The following ITPR2 variants were observed in gnomAD, a reference collection of about 807,000 sequenced individuals.
ITPR2 encodes inositol 1,4,5-trisphosphate receptor type 2, also known as inositol 1,4,5-trisphosphate-gated calcium channel ITPR2.
ITPR2 carries 207 observed loss-of-function variants against 317.1 expected under a neutral mutation model. That is an observed-to-expected ratio of 0.65 (90% CI 0.58 to 0.73). The LOEUF is 0.73. Ranked by LOEUF, ITPR2 falls within the 30% of genes least tolerant of loss-of-function variation. The probability of loss-of-function intolerance (pLI) is 0.00; values close to 1 mark genes in which losing one functional copy is unlikely to be tolerated. For missense variants in ITPR2, 2,613 were observed against 3,284.0 expected (o/e 0.80, Z 4.99); for synonymous variants, 1,156 against 1,149.1 (o/e 1.01, Z -0.12).
chr12:26,775,955 T>TATATATATATAC (rs1949958798), intron 2 of ITPR2, among the ~76,000 whole-genome samples: 5 of 148,068 alleles, frequency 3.4e-5, no homozygotes, highest in South Asian at 2.1e-4. Flanking sequence ...TATGTATATG[T>TATATATATATAC]ATATCCTATT....
chr12:26,518,069 A>G (rs1943572587), intron 37 of ITPR2, among the ~76,000 whole-genome samples: 1 of 152,218 alleles, frequency 6.6e-6, no homozygotes, highest in South Asian at 2.1e-4. Context: ...TCACATATAC[A>G]CAATGTTCAT....
At chr12:26,412,485 T>C (rs1940581515) in intron 51 of ITPR2, among the ~76,000 whole-genome samples, 1 of 152,066 alleles carries the variant, frequency 6.6e-6, no homozygotes, top group Non-Finnish European at 1.5e-5. Context: ...CTGTGGCCAT[T>C]CCCTTACTTA....
Position 26,516,310 on chromosome 12 carries a change from A to AGGAAG in ITPR2, c.5074-21051_5074-21050insCTTCC, listed in dbSNP as rs1565574702. ...GGGAAAGGAAAGGAAAGGAAAGGAA[A>AGGAAG]GGAAAGGAAAGGAAAGGAAAGGAAA... On this transcript the variant is annotated intron_variant, in intron 37 of 56. Transcript: ENST00000381340. 1.0e-3 allele frequency among the ~76,000 whole-genome samples: 129 copies of AGGAAG among 125,096 alleles called. 1 individual carries two copies. The highest frequency in any genetic ancestry group is 1.2e-3 in the Non-Finnish European group (73 of 59,684). The allele number at this position is 125,096 out of a possible 152,430, so 82.1% of individuals were successfully genotyped here. A position where few individuals can be genotyped will look rare whatever the true frequency, so the allele number is the denominator to read the frequency against.
intron 51 of ITPR2, among the ~76,000 whole-genome samples, chr12:26,415,041 T>C (rs763281213): frequency 2.0e-5 from 3 of 152,122 alleles, no homozygotes; most frequent in South Asian, 4.1e-4. Context: ...TTTTGGAATA[T>C]AGTCAGCTTT....
At chr12:26,556,957 T>C (rs573229122) in intron 35 of ITPR2, among the ~76,000 whole-genome samples, 3 of 152,032 alleles carry the variant, frequency 2.0e-5, no homozygotes, top group African/African-American at 7.2e-5. Context: ...CATGCGCGTG[T>C]GGTCCCAGCT....
intron 32 of ITPR2, among the ~76,000 whole-genome samples, chr12:26,593,923 C>T (rs1407970207): frequency 6.6e-6 from 1 of 152,166 alleles, no homozygotes; most frequent in Non-Finnish European, 1.5e-5. Flanking sequence ...TGACCTTGAT[C>T]TGTTTCAAGC....
chr12:26,669,945 G>A (rs1425677841), intron 13 of ITPR2, among the ~76,000 whole-genome samples: 1 of 152,252 alleles, frequency 6.6e-6, no homozygotes, highest in Non-Finnish European at 1.5e-5. Flanking sequence ...CTCGCTGATT[G>A]CTAACGCAGC....
Position 26,415,380 on chromosome 12 carries a change from GA to G in ITPR2, c.7228del (p.Ser2410ProfsTer8). On this transcript the variant is annotated frameshift_variant, in exon 51 of 57. Transcript: ENST00000381340. LOFTEE classifies it high-confidence loss of function. ...VLALILVYLF[S>X]IIGFLFLKDD... is the part of the protein sequence containing the mutation. The stretch of plus-strand genomic sequence containing the variant: ...CTTCAAAAAAAGGAACCCAATAATG[GA>G]AAACAGGTAGACGAGGATGAGAGCC... The G allele has an allele frequency of 6.2e-7, 1 of 1,612,676 alleles. No homozygotes were observed. The highest frequency in any genetic ancestry group is 1.1e-5 in the South Asian group (1 of 90,892).
At chr12:26,491,100 A>C (rs2136862968) in intron 39 of ITPR2, among the ~76,000 whole-genome samples, 1 of 152,312 alleles carries the variant, frequency 6.6e-6, no homozygotes. Flanking sequence ...AAATTTGAAG[A>C]GATCATGAAG....
chr12:26,693,071 T>C (rs1463214932), intron 10 of ITPR2, among the ~76,000 whole-genome samples: 1 of 152,228 alleles, frequency 6.6e-6, no homozygotes, highest in African/African-American at 2.4e-5. Flanking sequence ...CATTCTCAAT[T>C]TTCTTTGCTC....
rs950465459 is a variant in ITPR2, at chr12:26,613,719, G to T, written c.3462+7404C>A. ...CCAGGGAAAGACATGGCCCACAGAA[G>T]AGCAAAAGGGCACCTATCTTGGCCT... On this transcript the variant is annotated intron_variant, in intron 26 of 56. Transcript: ENST00000381340. 2.0e-5 allele frequency among the ~76,000 whole-genome samples: 3 copies of T among 152,180 alleles called. No homozygotes were observed. In the South Asian group the frequency reaches 6.2e-4, roughly 32 times the overall value.
Position 26,725,644 on chromosome 12 carries a change from C to G in ITPR2, c.279+6G>C, listed in dbSNP as rs17480784. The G allele has an allele frequency of 0.21, 327,324 of 1,594,616 alleles. 38,039 individuals are homozygous for G. The highest frequency in any genetic ancestry group is 0.24 in the Non-Finnish European group (276,075 of 1,162,910). Reference sequence around the variant, plus strand: ...TAAGCCAGACAATTGGAATCCTGGTCCTTACCTGTAGTTTCTTCAGCAAGG... The same window carrying G: ...TAAGCCAGACAATTGGAATCCTGGTGCTTACCTGTAGTTTCTTCAGCAAGG... On this transcript the variant is annotated splice_donor_region_variant and intron_variant, in intron 3 of 56. Transcript: ENST00000381340.
intron 37 of ITPR2, among the ~76,000 whole-genome samples, chr12:26,532,377 A>G (rs1362309351): frequency 6.6e-6 from 1 of 152,180 alleles, no homozygotes; most frequent in Non-Finnish European, 1.5e-5. Flanking sequence ...ACATTTTTCA[A>G]TGAAATATTT....
intron 13 of ITPR2, among the ~76,000 whole-genome samples, chr12:26,670,161 TA>T (rs1947727884): frequency 6.6e-6 from 1 of 152,092 alleles, no homozygotes; most frequent in Non-Finnish European, 1.5e-5. Context: ...TCTGCAGACT[TA>T]AATGTCCCTG....
At position 26,479,012 on chromosome 12, in the gene ITPR2, T is replaced by A. The variant is rs1942481822; in HGVS notation, c.6124-2005A>T. Among the ~76,000 whole-genome samples the A allele has an allele frequency of 2.0e-5, 3 of 151,812 alleles. No individual in the cohort carries two copies. The South Asian group carries it at 6.2e-4, about 31-fold the overall frequency. The stretch of plus-strand genomic sequence containing the variant: ...GTTAAAGATAATTTATTATTTAAAG[T>A]ACCCTATGCAAGGAAGTCCCTTAAA... On this transcript the variant is annotated intron_variant, in intron 43 of 56. Coordinates refer to ENST00000381340, the MANE Select transcript of ITPR2 (RefSeq NM_002223.4).
At chr12:26,505,671 A>G (rs1325991768) in intron 37 of ITPR2, among the ~76,000 whole-genome samples, 1 of 152,186 alleles carries the variant, frequency 6.6e-6, no homozygotes, top group Non-Finnish European at 1.5e-5. Flanking sequence ...TATAAGTACC[A>G]TGAGGACAGG....
rs752999617 is a variant in ITPR2, at chr12:26,556,330, C to T, written c.4867G>A (p.Ala1623Thr). Residue 1623 changes from alanine (A) to threonine (T), a missense_variant, in exon 36 of 57, where the codon GCT becomes ACT. Transcript: ENST00000381340. Reference sequence around the variant, plus strand: ...ACATCAACCAACACTGAGAATTCAGCCTGCATCATTGGGCTGAACTGGTGC... The same window carrying T: ...ACATCAACCAACACTGAGAATTCAGTCTGCATCATTGGGCTGAACTGGTGC... ...LEHQFSPMMQ[A>T]EFSVLVDVLY... 1.2e-6 allele frequency: 2 copies of T among 1,614,048 alleles called. No homozygotes were observed. The highest frequency in any genetic ancestry group is 1.7e-5 in the Admixed American group (1 of 59,990).
At chr12:26,531,822 T>C (rs1353329001) in intron 37 of ITPR2, among the ~76,000 whole-genome samples, 1 of 152,212 alleles carries the variant, frequency 6.6e-6, no homozygotes, top group South Asian at 2.1e-4. Context: ...AGATATGGAA[T>C]AGATACTTGC....
intron 43 of ITPR2, among the ~76,000 whole-genome samples, chr12:26,479,069 C>A (rs955640524): frequency 6.6e-6 from 1 of 150,378 alleles, no homozygotes; most frequent in Admixed American, 6.6e-5. Context: ...GTCTTACAAA[C>A]ATTGTTCTTA....
Sources: allele counts gnomAD v4.1 joint callset (sites outside exome capture counted in the v4.1 genomes callset), GRCh38; gene constraint gnomAD v4.1.1; transcripts MANE v1.5; gene names NCBI Gene and HGNC (gene_info 2026-07-23, HGNC 2026-07-21).